ATP10B: variants seen among roughly 807,000 people sequenced by gnomAD.
ATP10B encodes ATPase phospholipid transporting 10B (putative), also known as phospholipid-transporting ATPase VB.
In ATP10B, 122 loss-of-function variants were observed where a neutral mutation model predicts 141.2. That is an observed-to-expected ratio of 0.86 (90% confidence interval 0.75 to 1.00). The LOEUF is 1.00. ATP10B is among the 50% of genes least tolerant of loss of function. The pLI, the probability that ATP10B is intolerant of heterozygous loss-of-function variation, is 0.00. For missense variants in ATP10B, 1,876 were observed against 1,825.3 expected (o/e 1.03, Z -0.51); for synonymous variants, 685 against 692.0 (o/e 0.99, Z 0.16).
At chr5:160,842,922 GA>G (rs1218062032) in intron 1 of ATP10B, among the ~76,000 whole-genome samples, 1 of 151,872 alleles carries the variant, frequency 6.6e-6, no homozygotes, top group East Asian at 1.9e-4. Flanking sequence ...CATAAAAATA[GA>G]AAACACTTCC....
At chr5:160,831,093 T>C (rs1775046612) in intron 1 of ATP10B, among the ~76,000 whole-genome samples, 1 of 125,262 alleles carries the variant, frequency 8.0e-6, no homozygotes, top group Non-Finnish European at 1.7e-5. Context: ...TTATATTTGC[T>C]CTGTCACTTT....
intron 2 of ATP10B, among the ~76,000 whole-genome samples, chr5:160,780,581 CA>C (rs1448114338): frequency 1.3e-5 from 2 of 152,080 alleles, no homozygotes; most frequent in African/African-American, 4.8e-5. Flanking sequence ...GGGTTATTTC[CA>C]GGAACATTTT....
chr5:160,924,470 TATTA>T, the ATP10B span, among the ~76,000 whole-genome samples: 1 of 152,188 alleles, frequency 6.6e-6, no homozygotes, highest in Non-Finnish European at 1.5e-5. Flanking sequence ...CAATAAAAGG[TATTA>T]ATTATTAACT....
upstream of ATP10B, among the ~76,000 whole-genome samples, chr5:160,853,919 C>T (rs993298594): frequency 1.3e-5 from 2 of 152,116 alleles, no homozygotes; most frequent in African/African-American, 4.8e-5. Flanking sequence ...TTCCAGCAGG[C>T]AATCTTTCTA....
At chr5:160,756,470 A>T (rs189507181) in intron 2 of ATP10B, among the ~76,000 whole-genome samples, 1 of 152,286 alleles carries the variant, frequency 6.6e-6, no homozygotes, top group East Asian at 1.9e-4. Context: ...AAGTGATTTC[A>T]CCATTTTGCA....
chr5:160,689,775 T>C (rs1763963254), intron 3 of ATP10B, among the ~76,000 whole-genome samples: 1 of 152,156 alleles, frequency 6.6e-6, no homozygotes, highest in South Asian at 2.1e-4. Context: ...AAAATGGCCA[T>C]ACTGCCCAAA....
intron 22 of ATP10B, 32 bp from the exon 23 acceptor site, chr5:160,591,171 C>T (rs758312062): frequency 1.9e-6 from 3 of 1,579,450 alleles, no homozygotes; most frequent in Non-Finnish European, 2.6e-6. Flanking sequence ...ATAATTATCA[C>T]CCTTATAGCA....
At chr5:160,680,997 A>G (rs1278872311) in intron 6 of ATP10B, among the ~76,000 whole-genome samples, 1 of 152,254 alleles carries the variant, frequency 6.6e-6, no homozygotes, top group Non-Finnish European at 1.5e-5. Context: ...CTGAGAGTTA[A>G]GATGACACTG....
rs1268851844 is a variant in ATP10B, at chr5:160,622,562, T to G, written c.1644A>C (p.Lys548Asn). 2 of 1,612,584 alleles carry G rather than the reference T, an allele frequency of 1.2e-6. No individual in the cohort carries two copies. Among genetic ancestry groups the G allele is most frequent in the Admixed American group, 3.4e-5 (2 of 59,618 alleles). The change falls in exon 14 of 26, where the codon AAA becomes AAC. Residue 548 changes from lysine (K) to asparagine (N), a missense_variant. Coordinates refer to ENST00000327245, the MANE Select transcript of ATP10B (RefSeq NM_025153.3). ...SSIEKDVTPD[K>N]NLLTKVRDAA... ...CATCTCGAACCTTGGTCAGTAGGTT[T>G]TTATCTGGAGTTACATCTTTTTCCT... is the stretch of plus-strand genomic sequence containing the variant.
intron 21 of ATP10B, among the ~76,000 whole-genome samples, chr5:160,601,109 C>T (rs1230880908): frequency 1.3e-5 from 2 of 152,182 alleles, no homozygotes; most frequent in African/African-American, 4.8e-5. Flanking sequence ...CTTTCACTCT[C>T]AAAGTGAGTT....
chr5:160,687,733 C>T (rs1763845370), intron 5 of ATP10B, 67 bp downstream of exon 5: 2 of 1,540,118 alleles, frequency 1.3e-6, no homozygotes, highest in East Asian at 2.3e-5. Context: ...CGACTATACT[C>T]CAGCCTGGGG....
chr5:160,740,186 A>C (rs1401001334), intron 2 of ATP10B, among the ~76,000 whole-genome samples: 6 of 152,238 alleles, frequency 3.9e-5, no homozygotes, highest in Non-Finnish European at 8.8e-5. Context: ...AGTTTTAACT[A>C]TCTGGGGTTG....
At chr5:160,802,832 G>T (rs1446719313) in intron 1 of ATP10B, among the ~76,000 whole-genome samples, 1 of 152,156 alleles carries the variant, frequency 6.6e-6, no homozygotes, top group East Asian at 1.9e-4. Context: ...GCTTTTGTCT[G>T]GCTTCTTCTC....
chr5:160,594,885 T>A lies in ATP10B; in HGVS notation c.3565-3746A>T, dbSNP rs369432491. Reference sequence around the variant, plus strand: ...GCACCCAATACAGGAGCACCCAGATTCATAAAGCAAGTCCTGAGTGACCTA... The same window carrying A: ...GCACCCAATACAGGAGCACCCAGATACATAAAGCAAGTCCTGAGTGACCTA... On this transcript the variant is annotated intron_variant, in intron 22 of 25. Coordinates refer to ENST00000327245, the MANE Select transcript of ATP10B (RefSeq NM_025153.3). Among the ~76,000 whole-genome samples the A allele has an allele frequency of 3.1e-4, 47 of 152,296 alleles. 1 individual carries two copies. In the South Asian group the frequency reaches 9.5e-3, roughly 31 times the overall value.
intron 1 of ATP10B, among the ~76,000 whole-genome samples, chr5:160,838,627 T>C (rs1365978035): frequency 6.6e-6 from 1 of 152,156 alleles, no homozygotes; most frequent in Non-Finnish European, 1.5e-5. Context: ...TGAATAATGG[T>C]TAGTAATGTA....
At chr5:160,706,172 G>A (rs1764999955) in intron 3 of ATP10B, among the ~76,000 whole-genome samples, 1 of 152,116 alleles carries the variant, frequency 6.6e-6, no homozygotes. Flanking sequence ...ACTATACCAG[G>A]TGTAATAAAT....
intron 7 of ATP10B, among the ~76,000 whole-genome samples, chr5:160,656,735 G>C (rs1761526165): frequency 6.6e-6 from 1 of 151,810 alleles, no homozygotes; most frequent in Non-Finnish European, 1.5e-5. Flanking sequence ...TAGGCATAAA[G>C]TTCTTACAGG....
At chr5:160,800,380 T>A (rs777600737) in intron 1 of ATP10B, among the ~76,000 whole-genome samples, 17 of 152,178 alleles carry the variant, frequency 1.1e-4, no homozygotes, top group Non-Finnish European at 2.9e-5. Flanking sequence ...ATTACAAGAA[T>A]CATAATGATA....
intron 1 of ATP10B, among the ~76,000 whole-genome samples, chr5:160,814,963 C>T (rs1773492018): frequency 6.6e-6 from 1 of 152,174 alleles, no homozygotes; most frequent in African/African-American, 2.4e-5. Flanking sequence ...CCAGGCCTGC[C>T]CTAAAAGAGC....
Sources: allele counts gnomAD v4.1 joint callset (sites outside exome capture counted in the v4.1 genomes callset), GRCh38; gene constraint gnomAD v4.1.1; transcripts MANE v1.5; gene names NCBI Gene and HGNC (gene_info 2026-07-23, HGNC 2026-07-21).